GULP1: variants seen among roughly 807,000 people sequenced by gnomAD.
GULP1 encodes the protein PTB domain-containing engulfment adapter protein 1.
A neutral mutation model predicts 40.9 loss-of-function variants in GULP1; 19 were observed. The ratio of observed to expected loss-of-function variants is 0.46; its 90% confidence interval spans 0.32 to 0.68. The LOEUF (loss-of-function observed/expected upper bound fraction) is 0.68, where lower values mean the gene tolerates loss of function less well. Among genes scored for constraint, GULP1 ranks in the 30% least tolerant of loss-of-function variants. The probability of loss-of-function intolerance (pLI) is 0.03; values close to 1 mark genes in which losing one functional copy is unlikely to be tolerated. For synonymous variants in GULP1, 119 were observed against 117.6 expected, an observed-to-expected ratio of 1.01 and a Z score of -0.08; for missense variants, 312 against 362.2, an observed-to-expected ratio of 0.86 and a Z score of 1.12.
intron 2 of GULP1, among the ~76,000 whole-genome samples, chr2:188,458,924 C>A (rs2059488440): frequency 2.6e-5 from 4 of 152,118 alleles, no homozygotes; most frequent in Admixed American, 2.6e-4. Context: ...TTAGATCTCA[C>A]AAATAAGTAA....
intron 2 of GULP1, among the ~76,000 whole-genome samples, chr2:188,457,017 T>G (rs1296560134): frequency 1.3e-5 from 2 of 152,116 alleles, no homozygotes; most frequent in Non-Finnish European, 2.9e-5. Flanking sequence ...TTTGGTCAGT[T>G]TCTCCCATTT....
At chr2:188,305,803 A>G (rs2036969179) in intron 1 of GULP1, among the ~76,000 whole-genome samples, 2 of 152,078 alleles carry the variant, frequency 1.3e-5, no homozygotes, top group Admixed American at 6.6e-5. Flanking sequence ...TTTTCAAGAC[A>G]GTCTTGTTCT....
At chr2:188,583,770 ATACTC>A (rs1219795052) in intron 9 of GULP1, among the ~76,000 whole-genome samples, 6 of 152,216 alleles carry the variant, frequency 3.9e-5, no homozygotes, top group African/African-American at 1.4e-4. Context: ...AAACTAAAAT[ATACTC>A]TACTTTTGAG....
chr2:188,418,947 A>G (rs559506635), intron 2 of GULP1, among the ~76,000 whole-genome samples: 34 of 152,350 alleles, frequency 2.2e-4, no homozygotes, highest in African/African-American at 7.9e-4. Context: ...GTATTTTGTT[A>G]ATACATACCT....
At chr2:188,384,267 G>A (rs1034054130) in intron 2 of GULP1, 2 of 152,220 alleles carry the variant, frequency 1.3e-5, no homozygotes, top group Non-Finnish European at 2.9e-5. Context: ...TCATAATCAT[G>A]GAGGAAGGTG....
At chr2:188,422,409 T>C (rs2152773903) in intron 2 of GULP1, among the ~76,000 whole-genome samples, 1 of 151,098 alleles carries the variant, frequency 6.6e-6, no homozygotes, top group East Asian at 1.9e-4. Context: ...CATATACATA[T>C]ATATATATAT....
At chr2:188,444,372 A>C (rs2058204369) in intron 2 of GULP1, among the ~76,000 whole-genome samples, 2 of 152,362 alleles carry the variant, frequency 1.3e-5, no homozygotes, top group Middle Eastern at 3.4e-3. Flanking sequence ...ATCATGGTGC[A>C]CATGATAAAT....
At chr2:188,461,116 T>C (rs920620571) in intron 2 of GULP1, among the ~76,000 whole-genome samples, 3 of 152,170 alleles carry the variant, frequency 2.0e-5, no homozygotes, top group Non-Finnish European at 4.4e-5. Flanking sequence ...TTTATGTATT[T>C]ATTTATTTAT....
chr2:188,539,912 A>G (rs952426635), intron 6 of GULP1, among the ~76,000 whole-genome samples: 5 of 152,094 alleles, frequency 3.3e-5, no homozygotes, highest in Non-Finnish European at 1.5e-5. Flanking sequence ...ATTTTGATTC[A>G]ACTGAGGTAA....
At chr2:188,358,845 A>G (rs1324075870) in intron 1 of GULP1, among the ~76,000 whole-genome samples, 1 of 152,150 alleles carries the variant, frequency 6.6e-6, no homozygotes, top group Non-Finnish European at 1.5e-5. Flanking sequence ...AATTAACGTT[A>G]TTAACATTGG....
intron 6 of GULP1, among the ~76,000 whole-genome samples, chr2:188,531,993 T>C (rs1687668072): frequency 1.3e-5 from 2 of 152,158 alleles, no homozygotes; most frequent in Admixed American, 1.3e-4. Context: ...TTTTGGAGTG[T>C]GTGTACATGT....
intron 7 of GULP1, among the ~76,000 whole-genome samples, chr2:188,562,027 G>A (rs1559381388): frequency 6.6e-6 from 1 of 152,080 alleles, no homozygotes; most frequent in Non-Finnish European, 1.5e-5. Context: ...TTATTCCCAG[G>A]TCATGTCCTA....
intron 1 of GULP1, among the ~76,000 whole-genome samples, chr2:188,372,985 C>T (rs1009678803): frequency 1.3e-5 from 2 of 151,880 alleles, no homozygotes; most frequent in Non-Finnish European, 2.9e-5. Context: ...GAAAGATGTC[C>T]TTAGCTTGGG....
At chr2:188,305,819 C>T (rs1406478130) in intron 1 of GULP1, among the ~76,000 whole-genome samples, 1 of 152,110 alleles carries the variant, frequency 6.6e-6, no homozygotes, top group Non-Finnish European at 1.5e-5. Context: ...GTTCTGTCGC[C>T]CAGGCTGGAG....
intron 9 of GULP1, among the ~76,000 whole-genome samples, chr2:188,576,065 G>A (rs184081788): frequency 5.4e-4 from 82 of 152,220 alleles, no homozygotes; most frequent in African/African-American, 1.9e-3. Context: ...TAACATGTGG[G>A]AAGTGATGCC....
chr2:188,346,640 C>T (rs1350865024), intron 1 of GULP1, among the ~76,000 whole-genome samples: 3 of 151,398 alleles, frequency 2.0e-5, no homozygotes, highest in East Asian at 2.0e-4. Context: ...CTACAGGCGC[C>T]GGCCACCACG....
chr2:188,366,687 A>T (rs1337670225), intron 1 of GULP1, among the ~76,000 whole-genome samples: 2 of 140,276 alleles, frequency 1.4e-5, no homozygotes, highest in Non-Finnish European at 3.0e-5. Flanking sequence ...TCCGCCTCCC[A>T]GGTTCATGCC....
At chr2:188,423,837 T>C (rs113622055) in intron 2 of GULP1, among the ~76,000 whole-genome samples, 10,203 of 151,750 alleles carry the variant, frequency 0.067, 1,157 homozygotes, top group African/African-American at 0.23. Flanking sequence ...TTCTAGAAAA[T>C]GGCATTTTAA....
chr2:188,475,317 T>C (rs2060920938), intron 2 of GULP1, among the ~76,000 whole-genome samples: 1 of 152,162 alleles, frequency 6.6e-6, no homozygotes, highest in African/African-American at 2.4e-5. Context: ...TTCTGGTGTT[T>C]TAGAGTCATT....
Sources: gnomAD v4.1 joint callset for allele counts (sites outside exome capture counted in the v4.1 genomes callset) on GRCh38, gnomAD v4.1.1 for gene constraint, MANE v1.5 for transcripts, NCBI Gene and HGNC (gene_info 2026-07-23, HGNC 2026-07-21) for gene names.